The following VIM variants were observed in gnomAD, a reference collection of about 807,000 sequenced individuals.
The protein encoded by VIM is vimentin.
In VIM, 18 loss-of-function variants were observed where a neutral mutation model predicts 50.3. That is an observed-to-expected ratio of 0.36 (90% confidence interval 0.25 to 0.53). The LOEUF (loss-of-function observed/expected upper bound fraction) is 0.53. Ranked by LOEUF, VIM falls within the 20% of genes least tolerant of loss-of-function variation. VIM has a pLI of 0.91. For missense variants in VIM, 551 were observed against 614.7 expected (o/e 0.90, Z 1.10); for synonymous variants, 245 against 248.5 (o/e 0.99, Z 0.13).
rs1264296526 is a variant in VIM at position 17,234,763 on chromosome 10, A to C, written c.953A>C (p.Glu318Ala). 6 of 1,614,206 alleles carry C rather than the reference A, an allele frequency of 3.7e-6. No homozygotes were observed. The highest frequency in any genetic ancestry group is 5.1e-6 in the Non-Finnish European group (6 of 1,180,030). The change falls in exon 6 of 10, where the codon GAG (glutamate) becomes GCG (alanine). Residue 318 changes from glutamate (E) to alanine (A), a missense_variant. Physicochemically the swap from Glu to Ala is moderately radical, Grantham distance 107. Transcript: ENST00000544301. ...CGCCAGGCAAAGCAGGAGTCCACTGAGTACCGGAGACAGGTGCAGTCCCTC... is the reference window on the plus strand; with the variant it reads ...CGCCAGGCAAAGCAGGAGTCCACTGCGTACCGGAGACAGGTGCAGTCCCTC... ...ALRQAKQEST[E>A]YRRQVQSLTC...
intron 3 of VIM, chr10:17,231,205 G>A (rs1157912095): frequency 6.5e-6 from 1 of 153,766 alleles, no homozygotes; most frequent in East Asian, 1.9e-4. Context: ...ATGCCCTGCA[G>A]TTTAAAATGG....
intron 3 of VIM, 64 bp downstream of exon 3, chr10:17,230,774 C>G (rs1846777496): frequency 2.5e-6 from 4 of 1,592,536 alleles, no homozygotes; most frequent in South Asian, 2.2e-5. Flanking sequence ...ACGAGCAATT[C>G]TAAAAGTTGC....
intron 3 of VIM, among the ~76,000 whole-genome samples, chr10:17,233,010 C>T (rs1289025622): frequency 1.3e-5 from 2 of 152,200 alleles, no homozygotes; most frequent in African/African-American, 4.8e-5. Flanking sequence ...TGCAGTGGCA[C>T]TATGTTGGCT....
In VIM at chr10:17,234,687, C is replaced by T; in HGVS notation, c.883-6C>T. The T allele has an allele frequency of 6.2e-7, 1 of 1,613,804 alleles. No individual in the cohort carries two copies. The highest frequency in any genetic ancestry group is 8.5e-7 in the Non-Finnish European group (1 of 1,180,000). On this transcript the variant is annotated splice_polypyrimidine_tract_variant and splice_region_variant and intron_variant, in intron 5 of 9. Transcript: ENST00000544301. ...GCAATCTACATTTCTGTTTTCTTCC[C>T]AACAGTTTGCTGACCTCTCTGAGGC...
chr10:17,234,582 A>C, intron 5 of VIM, 111 bp from the exon 6 acceptor site: 1 of 1,539,240 alleles, frequency 6.5e-7, no homozygotes, highest in Non-Finnish European at 8.9e-7. Context: ...TTCAAAACAG[A>C]AATTTAAACC....
At chr10:17,232,368 TA>T (rs1459275513) in intron 3 of VIM, among the ~76,000 whole-genome samples, 1 of 152,206 alleles carries the variant, frequency 6.6e-6, no homozygotes, top group East Asian at 1.9e-4. Flanking sequence ...TGAGAGGAAA[TA>T]AAATCTTAGT....
In VIM at chr10:17,237,373, G is replaced by A. The variant is rs1460796559; in HGVS notation, c.*102G>A. 9 of 1,150,898 alleles carry A rather than the reference G, an allele frequency of 7.8e-6. No individual in the cohort carries two copies. In the African/African-American group the frequency reaches 1.4e-4, roughly 18 times the overall value. 71.3% of individuals were successfully genotyped at this position (1,150,898 alleles called of 1,614,324 possible). A position where few individuals can be genotyped will look rare whatever the true frequency, so the allele number is the denominator to read the frequency against. ...TCAAGTGCCTTTCTGCAGTTTTTCA[G>A]GAGCGCAAGATAGATTTGGAATAGG... On this transcript the variant is annotated 3_prime_UTR_variant, in exon 10 of 10. Coordinates refer to ENST00000544301, the MANE Select transcript of VIM (RefSeq NM_003380.5).
rs1846861220 is a variant in VIM at position 17,234,937 on chromosome 10, A to T, written c.1008+119A>T. 5.4e-6 allele frequency: 8 copies of T among 1,467,918 alleles called. No homozygotes were observed. The South Asian group carries it at 9.6e-5, about 18-fold the overall frequency. 90.9% of individuals were successfully genotyped at this position (1,467,918 alleles called of 1,614,324 possible). On this transcript the variant is annotated intron_variant, in intron 6 of 9. Transcript: ENST00000544301. ...AAAATGTATATCATAATGCAAAGAA[A>T]ATGAGTTATCAAGACAGACTCAAAA...
rs758065868 is a variant in VIM, at chr10:17,229,407, G to A, written c.-16G>A. On this transcript the variant is annotated 5_prime_UTR_variant, in exon 2 of 10. Coordinates refer to ENST00000544301, the MANE Select transcript of VIM (RefSeq NM_003380.5). ...CGCCACCGCCGCCGCCCAGGCCATC[G>A]CCACCCTCCGCAGCCATGTCCACCA... is the stretch of plus-strand genomic sequence containing the variant. 4 of 1,594,718 alleles carry A rather than the reference G, an allele frequency of 2.5e-6. No individual in the cohort carries two copies. The highest frequency in any genetic ancestry group is 3.4e-5 in the Admixed American group (2 of 59,222).
At chr10:17,230,529 AGT>A (rs1846769540) in intron 2 of VIM, 119 bp from the exon 3 acceptor site, 1 of 1,103,470 alleles carries the variant, frequency 9.1e-7, no homozygotes, top group Non-Finnish European at 1.4e-6. Flanking sequence ...TGCAGGCGCT[AGT>A]TGCGCGGAGG....
intron 6 of VIM, 73 bp from the exon 7 acceptor site, chr10:17,235,096 G>C (rs1157830690): frequency 5.9e-6 from 9 of 1,537,252 alleles, no homozygotes; most frequent in Non-Finnish European, 8.1e-6. Flanking sequence ...ATTGCAGAAG[G>C]TCTGTAAATG....
chr10:17,234,239 C>T (rs1295911105), intron 5 of VIM: 1 of 374,830 alleles, frequency 2.7e-6, no homozygotes, highest in East Asian at 6.5e-5. Flanking sequence ...CCTCAGCCCC[C>T]TAAGAGCTGG....
At position 17,237,285 on chromosome 10, in the gene VIM, T is replaced by A; in HGVS notation, c.*14T>A. Reference sequence around the variant, plus strand: ...GACCTTGAATAAAAATTGCACACACTCAGTGCAGCAATATATTACCAGCAA... The same window carrying A: ...GACCTTGAATAAAAATTGCACACACACAGTGCAGCAATATATTACCAGCAA... On this transcript the variant is annotated 3_prime_UTR_variant, in exon 10 of 10. Transcript: ENST00000544301. The A allele has an allele frequency of 1.2e-6, 2 of 1,605,018 alleles. No individual in the cohort carries two copies. Among genetic ancestry groups the A allele is most frequent in the Non-Finnish European group, 1.7e-6 (2 of 1,174,398 alleles).
chr10:17,230,482 C>A, intron 2 of VIM, 168 bp from the exon 3 acceptor site: 1 of 823,202 alleles, frequency 1.2e-6, no homozygotes, highest in South Asian at 1.4e-5. Flanking sequence ...TGCCCGAAGT[C>A]CCGCTGAAAC....
rs1846734852 is a variant in VIM, at chr10:17,229,281, T to C, written c.-142T>C. 4.7e-6 allele frequency: 4 copies of C among 857,132 alleles called. No individual in the cohort carries two copies. The highest frequency in any genetic ancestry group is 3.2e-5 in the South Asian group (2 of 62,388). The allele number at this position is 857,132 out of a possible 1,614,324, so 53.1% of individuals were successfully genotyped here. ...GCGCCCTCGGCGGGGTCCAGTCCTC[T>C]GCCACTCTCGCTCCGAGGTCCCCGC... On this transcript the variant is annotated 5_prime_UTR_variant, in exon 2 of 10. Transcript: ENST00000544301.
chr10:17,230,375 G>GT lies in VIM; in HGVS notation c.564-274dup, dbSNP rs199902699. On this transcript the variant is annotated intron_variant, in intron 2 of 9. Transcript: ENST00000544301. ...CGGGAGAAGGAAGGAGGGGAAGGCG[G>GT]TGGAGGGAGCGAGACAAAGGGATGG... 7,275 of 576,258 alleles carry GT rather than the reference G, an allele frequency of 0.013. 413 individuals carry two copies. The highest frequency in any genetic ancestry group is 0.12 in the African/African-American group (6,315 of 53,430). 35.7% of individuals were successfully genotyped at this position (576,258 alleles called of 1,614,324 possible).
At chr10:17,233,455 G>A in intron 3 of VIM, 132 bp from the exon 4 acceptor site, 1 of 810,368 alleles carries the variant, frequency 1.2e-6, no homozygotes, top group Non-Finnish European at 2.1e-6. Flanking sequence ...CCTATTCCAG[G>A]GTCATAAAAT....
Position 17,236,366 on chromosome 10 carries a change from C to T in VIM, c.1346C>T (p.Thr449Ile). The change falls in exon 9 of 10, where the codon ACT (threonine) becomes ATT (isoleucine). Residue 449 changes from threonine (T) to isoleucine (I), a missense_variant. Around this residue, in one of 3 missense-constraint regions of VIM, gnomAD observed 394 missense variants for 437.5 expected, o/e 0.90. Transcript: ENST00000544301. ...KRTLLIKTVE[T>I]RDGQVINETS... is the part of the protein sequence containing the mutation. Reference sequence around the variant, plus strand: ...ACACTTCTGATTAAGACGGTTGAAACTAGAGATGGACAGGTTGGTATCTTT... The same window carrying T: ...ACACTTCTGATTAAGACGGTTGAAATTAGAGATGGACAGGTTGGTATCTTT... The T allele has an allele frequency of 6.2e-7, 1 of 1,612,214 alleles. No homozygotes were observed. Among genetic ancestry groups the T allele is most frequent in the Non-Finnish European group, 8.5e-7 (1 of 1,178,362 alleles).
intron 3 of VIM, among the ~76,000 whole-genome samples, chr10:17,232,140 C>T (rs997157887): frequency 6.6e-6 from 1 of 152,190 alleles, no homozygotes; most frequent in East Asian, 1.9e-4. Flanking sequence ...TAGAATACCA[C>T]ATTGATCTTT....
Sources: gnomAD v4.1 joint callset for allele counts (sites outside exome capture counted in the v4.1 genomes callset) on GRCh38, gnomAD v4.1.1 for gene constraint, gnomAD v4.1.1 regional missense constraint, MANE v1.5 for transcripts, NCBI Gene and HGNC (gene_info 2026-07-23, HGNC 2026-07-21) for gene names.